Variants in PCDHGA9 observed in about 807,000 individuals in gnomAD.
PCDHGA9 encodes protocadherin gamma subfamily A, 9, also known as protocadherin gamma-A9.
PCDHGA9 carries 37 observed loss-of-function variants against 62.5 expected under a neutral mutation model. The ratio of observed to expected loss-of-function variants is 0.59; its 90% CI spans 0.46 to 0.78. The LOEUF is 0.78. Ranked by LOEUF, PCDHGA9 falls within the 30% of genes least tolerant of loss-of-function variation. The pLI is 0.00. For missense variants in PCDHGA9, 1,138 were observed against 1,166.2 expected (o/e 0.98, Z 0.35); for synonymous variants, 459 against 484.6 (o/e 0.95, Z 0.69).
intron 2 of PCDHGA9, among the ~76,000 whole-genome samples, chr5:141,496,116 C>G (rs1435887981): frequency 6.6e-6 from 1 of 152,178 alleles, no homozygotes; most frequent in Middle Eastern, 3.4e-3. Flanking sequence ...TCTCTTCCTT[C>G]CCTGCCCCTC....
At chr5:141,414,763 C>G in intron 1 of PCDHGA9, 1 of 1,614,258 alleles carries the variant, frequency 6.2e-7, no homozygotes, top group South Asian at 1.1e-5. Flanking sequence ...TGAGCAGTTT[C>G]ATGAGCTACA....
At chr5:141,496,121 C>G (rs1391009290) in intron 2 of PCDHGA9, among the ~76,000 whole-genome samples, 1 of 152,088 alleles carries the variant, frequency 6.6e-6, no homozygotes, top group Non-Finnish European at 1.5e-5. Context: ...TCCTTCCCTG[C>G]CCCTCACACA....
At chr5:141,409,808 G>C in intron 1 of PCDHGA9, 2 of 1,611,624 alleles carry the variant, frequency 1.2e-6, no homozygotes, top group East Asian at 2.2e-5. Context: ...GCAGGCCCGC[G>C]ACCACGGCTC....
Position 141,489,434 on chromosome 5 carries a change from A to G in PCDHGA9, c.2425-5373A>G. On this transcript the variant is annotated intron_variant, in intron 1 of 3. Transcript: ENST00000573521. This position sits in a 1 kb window ranked among gnomAD's most constrained non-coding sequence, Gnocchi z 4.5. ...ACAGATCTGTTGAGCCGGCGGCTGC[A>G]ATTGGGCTCTGAGGAGAATGGGCGC... 6.2e-7 allele frequency: 1 copy of G among 1,614,138 alleles called. No individual in the cohort carries two copies. The highest frequency in any genetic ancestry group is 8.5e-7 in the Non-Finnish European group (1 of 1,180,044).
chr5:141,509,719 C>G (rs2099877973), intron 3 of PCDHGA9, among the ~76,000 whole-genome samples: 1 of 152,152 alleles, frequency 6.6e-6, no homozygotes, highest in Non-Finnish European at 1.5e-5. Flanking sequence ...TGTCTGATGT[C>G]ACCTAGCTGT....
At chr5:141,421,841 AAG>A in intron 1 of PCDHGA9, 1 of 1,613,750 alleles carries the variant, frequency 6.2e-7, no homozygotes. Context: ...GACCGAGAGA[AAG>A]AGGCTGCTCA....
chr5:141,477,890 C>T lies in PCDHGA9; in HGVS notation c.2425-16917C>T, dbSNP rs202114426. ...TACCTCAGCTGGCCACCTAGTGTCA[C>T]GGGTGGTAGGCTGGGACGCGGATGC... is the stretch of plus-strand genomic sequence containing the variant. On this transcript the variant is annotated intron_variant, in intron 1 of 3. Coordinates refer to ENST00000573521, the MANE Select transcript of PCDHGA9 (RefSeq NM_018921.3). This position sits in a 1 kb window ranked among gnomAD's most constrained non-coding sequence, Gnocchi z 4.9. 9.9e-6 allele frequency: 16 copies of T among 1,614,086 alleles called. No individual in the cohort carries two copies. Among genetic ancestry groups the T allele is most frequent in the Admixed American group, 1.7e-5 (1 of 60,006 alleles).
chr5:141,445,545 A>G (rs1422837499), intron 1 of PCDHGA9, among the ~76,000 whole-genome samples: 2 of 152,256 alleles, frequency 1.3e-5, no homozygotes, highest in Non-Finnish European at 2.9e-5. Context: ...AAGGAGAAAT[A>G]CAAAAGCACT....
chr5:141,490,604 A>T lies in PCDHGA9; in HGVS notation c.2425-4203A>T, dbSNP rs749528675. ...GTCAATGACAATGCACCCCGCTTCA[A>T]CCAGCAGCTTTACACTGCTTACATC... On this transcript the variant is annotated intron_variant, in intron 1 of 3. Transcript: ENST00000573521. The surrounding 1 kb of genome is among the most constrained non-coding windows in gnomAD (Gnocchi z 5.4). 6.2e-7 allele frequency: 1 copy of T among 1,614,192 alleles called. No homozygotes were observed. The highest frequency in any genetic ancestry group is 8.5e-7 in the Non-Finnish European group (1 of 1,180,022).
chr5:141,475,213 G>C (rs1359120020), intron 1 of PCDHGA9, among the ~76,000 whole-genome samples: 2 of 152,170 alleles, frequency 1.3e-5, no homozygotes, highest in African/African-American at 4.8e-5. Context: ...GAAAAGGATT[G>C]ATCAAGTAAA....
rs375597452 is a variant in PCDHGA9 at position 141,403,865 on chromosome 5, A to G, written c.913A>G (p.Lys305Glu). ...NENTGEISTA[K>E]SLDYEECSFY... is the part of the protein sequence containing the mutation. ...AAATACTGGGGAAATATCAACAGCA[A>G]AAAGTCTAGATTATGAAGAATGTTC... The change falls in exon 1 of 4, where the codon AAA becomes GAA. Residue 305 changes from lysine to glutamate, a missense_variant. Transcript: ENST00000573521. 40 of 1,613,808 alleles carry G rather than the reference A, an allele frequency of 2.5e-5. No individual in the cohort carries two copies. The African/African-American group carries it at 5.2e-4, about 21-fold the overall frequency.
At chr5:141,440,859 T>C (rs1272611201) in intron 1 of PCDHGA9, 1 of 152,076 alleles carries the variant, frequency 6.6e-6, no homozygotes, top group Non-Finnish European at 1.5e-5. Context: ...CCTGTGTTCA[T>C]CTAGGATGTG....
intron 3 of PCDHGA9, 56 bp from the exon 4 acceptor site, chr5:141,510,891 G>A (rs945706652): frequency 8.7e-6 from 14 of 1,612,762 alleles, no homozygotes; most frequent in Middle Eastern, 1.6e-4. Flanking sequence ...ATATAAGACA[G>A]TGACTGTTGA....
chr5:141,433,232 C>T (rs1344380820), intron 1 of PCDHGA9: 1 of 1,516,488 alleles, frequency 6.6e-7, no homozygotes, highest in Admixed American at 1.9e-5. Flanking sequence ...ATTGCTCTGT[C>T]TCCCAAGCTG....
At chr5:141,410,666 T>C (rs376209053) in intron 1 of PCDHGA9, 1 of 1,566,008 alleles carries the variant, frequency 6.4e-7, no homozygotes, top group Non-Finnish European at 8.6e-7. Flanking sequence ...AGTCTACTAG[T>C]TTCTCATATT....
Position 141,404,165 on chromosome 5 carries a change from T to C in PCDHGA9, c.1213T>C (p.Leu405=). Residue 405 remains leucine, a synonymous_variant, in exon 1 of 4, where the codon TTG becomes CTG. Coordinates refer to ENST00000573521, the MANE Select transcript of PCDHGA9 (RefSeq NM_018921.3). ...TTCAGAAGAAGATTATTACAGATTG[T>C]TGACGGCCCAAATTCTTGACCGAGA... is the stretch of plus-strand genomic sequence containing the variant. ...ENSEEDYYRL[L]TAQILDREKA... is the part of the protein sequence containing the mutation. 1 of 1,613,246 alleles carries C rather than the reference T, an allele frequency of 6.2e-7. No homozygotes were observed. Among genetic ancestry groups the C allele is most frequent in the South Asian group, 1.1e-5 (1 of 90,976 alleles).
chr5:141,490,331 C>G lies in PCDHGA9; in HGVS notation c.2425-4476C>G. 6.2e-7 allele frequency: 1 copy of G among 1,614,214 alleles called. No individual in the cohort carries two copies. The highest frequency in any genetic ancestry group is 1.1e-5 in the South Asian group (1 of 91,086). The stretch of plus-strand genomic sequence containing the variant: ...GCCAACCCTGTCCTAGAGAGCACAC[C>G]AGTGGGCACAGTAGTGGGGTTGTTT... On this transcript the variant is annotated intron_variant, in intron 1 of 3. Transcript: ENST00000573521. This position sits in a 1 kb window ranked among gnomAD's most constrained non-coding sequence, Gnocchi z 5.4.
Position 141,491,663 on chromosome 5 carries a change from T to G in PCDHGA9, c.2425-3144T>G, listed in dbSNP as rs895604632. ...GCTCTGGCGCTGGAGCCTGACGCCA[T>G]CCGGTCCCGCTCTAATACGCTGCGG... On this transcript the variant is annotated intron_variant, in intron 1 of 3. Coordinates refer to ENST00000573521, the MANE Select transcript of PCDHGA9 (RefSeq NM_018921.3). The surrounding 1 kb of genome is among the most constrained non-coding windows in gnomAD (Gnocchi z 6.9). The G allele has an allele frequency of 3.1e-6, 5 of 1,613,650 alleles. No homozygotes were observed. Among genetic ancestry groups the G allele is most frequent in the Non-Finnish European group, 4.2e-6 (5 of 1,180,014 alleles).
At chr5:141,430,589 G>A in intron 1 of PCDHGA9, 1 of 529,266 alleles carries the variant, frequency 1.9e-6, no homozygotes, top group Non-Finnish European at 3.1e-6. Context: ...TGCTCGCCTT[G>A]CACGCGCCTG....
Sources: gnomAD v4.1 joint callset for allele counts (sites outside exome capture counted in the v4.1 genomes callset) on GRCh38, gnomAD v4.1.1 for gene constraint, Gnocchi (gnomAD v3.1) non-coding constraint, MANE v1.5 for transcripts, NCBI Gene and HGNC (gene_info 2026-07-23, HGNC 2026-07-21) for gene names.